Variants in DTNA observed in about 807,000 individuals in gnomAD.
DTNA encodes the protein dystrophin-related protein 3.
In DTNA, 43 loss-of-function variants were observed where a neutral mutation model predicts 100.7. The ratio of observed to expected loss-of-function variants is 0.43; its 90% CI spans 0.33 to 0.55. The LOEUF (loss-of-function observed/expected upper bound fraction) is 0.55, where lower values mean the gene tolerates loss of function less well. Ranked by LOEUF, DTNA falls within the 20% of genes least tolerant of loss-of-function variation. The pLI is 0.04. For synonymous variants in DTNA, 349 were observed against 347.9 expected (o/e 1.00, Z -0.04); for missense variants, 798 against 953.9 (o/e 0.84, Z 2.15).
At chr18:34,823,727 A>T (rs181072560) in intron 9 of DTNA, among the ~76,000 whole-genome samples, 5 of 152,292 alleles carry the variant, frequency 3.3e-5, no homozygotes, top group Admixed American at 3.3e-4. Context: ...TTATTAAGCA[A>T]TCTTTAATTG....
intron 17 of DTNA, among the ~76,000 whole-genome samples, chr18:34,874,891 T>G (rs555582692): frequency 6.6e-6 from 1 of 152,356 alleles, no homozygotes; most frequent in Admixed American, 6.5e-5. Flanking sequence ...CCTTAATGTC[T>G]TCTTAGTCCT....
At chr18:34,627,056 G>C (rs970372428) in intron 1 of DTNA, among the ~76,000 whole-genome samples, 14 of 150,372 alleles carry the variant, frequency 9.3e-5, no homozygotes, top group Non-Finnish European at 1.6e-4. Flanking sequence ...AAAAATGATA[G>C]AACAAAATAA....
At chr18:34,741,034 T>C (rs1423177133) in intron 1 of DTNA, among the ~76,000 whole-genome samples, 1 of 152,188 alleles carries the variant, frequency 6.6e-6, no homozygotes, top group Non-Finnish European at 1.5e-5. Context: ...GGAATTATAA[T>C]ACAAAAATTA....
intron 1 of DTNA, among the ~76,000 whole-genome samples, chr18:34,611,256 TG>T (rs1477021171): frequency 1.3e-5 from 2 of 152,206 alleles, no homozygotes; most frequent in African/African-American, 4.8e-5. Flanking sequence ...AACCTTTATC[TG>T]TGAGTGTACA....
intron 1 of DTNA, among the ~76,000 whole-genome samples, chr18:34,514,713 GCTC>G (rs2041423444): frequency 6.6e-6 from 1 of 152,034 alleles, no homozygotes; most frequent in Non-Finnish European, 1.5e-5. Context: ...CTGTTTACTG[GCTC>G]ATATATGGCA....
At chr18:34,619,698 T>G (rs1305556720) in intron 1 of DTNA, among the ~76,000 whole-genome samples, 1 of 152,152 alleles carries the variant, frequency 6.6e-6, no homozygotes, top group Non-Finnish European at 1.5e-5. Flanking sequence ...ACACAATGGC[T>G]TTGGACATTT....
chr18:34,611,253 A>G (rs2054154072), intron 1 of DTNA, among the ~76,000 whole-genome samples: 1 of 152,144 alleles, frequency 6.6e-6, no homozygotes, highest in South Asian at 2.1e-4. Flanking sequence ...TACAACCTTT[A>G]TCTGTGAGTG....
At chr18:34,572,709 T>G (rs1479617043) in intron 1 of DTNA, among the ~76,000 whole-genome samples, 4 of 152,142 alleles carry the variant, frequency 2.6e-5, no homozygotes, top group Admixed American at 6.5e-5. Flanking sequence ...AGTTCTACTA[T>G]TAGGTGCCTA....
At chr18:34,796,527 G>T (rs1292871453) in intron 4 of DTNA, among the ~76,000 whole-genome samples, 2 of 152,170 alleles carry the variant, frequency 1.3e-5, no homozygotes, top group African/African-American at 2.4e-5. Flanking sequence ...CTAAAAGAAA[G>T]ATGTGCTGTT....
intron 1 of DTNA, among the ~76,000 whole-genome samples, chr18:34,731,761 T>C (rs1006307001): frequency 7.2e-5 from 11 of 152,250 alleles, no homozygotes; most frequent in Non-Finnish European, 1.3e-4. Context: ...ACCAGTGCCT[T>C]GTACAGTGCC....
intron 1 of DTNA, among the ~76,000 whole-genome samples, chr18:34,712,804 T>G (rs933168366): frequency 6.6e-6 from 1 of 152,134 alleles, no homozygotes; most frequent in African/African-American, 2.4e-5. Context: ...CATAGACCAA[T>G]AGATAATTAT....
intron 1 of DTNA, among the ~76,000 whole-genome samples, chr18:34,580,541 T>C (rs1300472044): frequency 6.6e-6 from 1 of 152,106 alleles, no homozygotes. Context: ...TGCTATAGCT[T>C]TAGTGTGATT....
chr18:34,739,364 G>A (rs1451966943), intron 1 of DTNA, among the ~76,000 whole-genome samples: 1 of 152,098 alleles, frequency 6.6e-6, no homozygotes, highest in African/African-American at 2.4e-5. Context: ...CTCAAGTTTG[G>A]ACAAACAAAG....
chr18:34,592,502 ACAC>A (rs2049851354), intron 1 of DTNA, among the ~76,000 whole-genome samples: 1 of 150,484 alleles, frequency 6.6e-6, no homozygotes, highest in African/African-American at 2.4e-5. Context: ...ACACACACAC[ACAC>A]ATTTTGTTTT....
intron 1 of DTNA, among the ~76,000 whole-genome samples, chr18:34,669,985 T>G (rs1343418407): frequency 6.6e-6 from 1 of 152,220 alleles, no homozygotes; most frequent in Non-Finnish European, 1.5e-5. Flanking sequence ...CCTTGCTAGG[T>G]TGGGGAAGTT....
rs1364171859 is a variant in DTNA at position 34,888,549 on chromosome 18, T to TC, written c.*816dup. On this transcript the variant is annotated 3_prime_UTR_variant, in exon 23 of 23. Transcript: ENST00000444659. ...AAATATTTTTTTTTCCAAATAGATA[T>TC]CATATTCAAAAAAGGCAGCATTCAA... The TC allele has an allele frequency of 1.0e-6, 1 of 985,534 alleles. No homozygotes were observed. The highest frequency in any genetic ancestry group is 1.7e-5 in the African/African-American group (1 of 57,336). The allele number at this position is 985,534 out of a possible 1,614,324, so 61.0% of individuals were successfully genotyped here. A position where few individuals can be genotyped will look rare whatever the true frequency, so the allele number is the denominator to read the frequency against.
chr18:34,589,377 G>A (rs1182273716), intron 1 of DTNA, among the ~76,000 whole-genome samples: 1 of 152,094 alleles, frequency 6.6e-6, no homozygotes, highest in Non-Finnish European at 1.5e-5. Flanking sequence ...AGGAGGCCGA[G>A]GCGGGTGGAT....
intron 2 of DTNA, among the ~76,000 whole-genome samples, chr18:34,759,662 CA>C (rs1173572433): frequency 6.6e-6 from 1 of 152,128 alleles, no homozygotes; most frequent in East Asian, 1.9e-4. Context: ...AACTACTCAA[CA>C]AATACCATTT....
In DTNA at chr18:34,891,114, AT is replaced by A. The variant is rs2096962598; in HGVS notation, c.*3382del. The A allele has an allele frequency of 6.6e-6, 1 of 152,520 alleles. No individual in the cohort carries two copies. Among genetic ancestry groups the A allele is most frequent in the South Asian group, 2.1e-4 (1 of 4,834 alleles). 9.4% of individuals were successfully genotyped at this position (152,520 alleles called of 1,614,324 possible). A position where few individuals can be genotyped will look rare whatever the true frequency, so the allele number is the denominator to read the frequency against. On this transcript the variant is annotated 3_prime_UTR_variant, in exon 23 of 23. Transcript: ENST00000444659. ...TCAGAAGTGTTGCATCTTGAGGCGA[AT>A]TAACTGTAAGACATTTTTAATTATG...
Sources: gnomAD v4.1 joint callset for allele counts (sites outside exome capture counted in the v4.1 genomes callset) on GRCh38, gnomAD v4.1.1 for gene constraint, MANE v1.5 for transcripts, NCBI Gene and HGNC (gene_info 2026-07-23, HGNC 2026-07-21) for gene names.